Variants in ATF6 observed in about 807,000 individuals in gnomAD.
ATF6 encodes cyclic AMP-dependent transcription factor ATF-6 alpha.
Under a neutral mutation model 83.6 loss-of-function variants are expected in ATF6, and 53 were observed. That is an observed-to-expected ratio of 0.63 (90% confidence interval 0.51 to 0.80). The LOEUF is 0.80. ATF6 is among the 30% of genes least tolerant of loss of function. ATF6 has a pLI of 0.00. For missense variants in ATF6, 744 were observed against 797.9 expected, an observed-to-expected ratio of 0.93 and a Z score of 0.81; for synonymous variants, 288 against 285.8, an observed-to-expected ratio of 1.01 and a Z score of -0.08.
At chr1:161,871,093 C>T (rs568618791) in intron 14 of ATF6, among the ~76,000 whole-genome samples, 1 of 151,762 alleles carries the variant, frequency 6.6e-6, no homozygotes, top group African/African-American at 2.4e-5. Context: ...ACTACTCAGA[C>T]CACTAACTGT....
chr1:161,943,116 A>T (rs115758444), intron 15 of ATF6, among the ~76,000 whole-genome samples: 2,527 of 152,276 alleles, frequency 0.017, 49 homozygotes, highest in African/African-American at 0.045. Flanking sequence ...GGCCTCCCAA[A>T]ATGTGGGAAT....
Position 161,953,317 on chromosome 1 carries a change from C to G in ATF6, c.1805-5129C>G, listed in dbSNP as rs529063735. Reference sequence around the variant, plus strand: ...GTGTGTCACAGAACGGCCAGCATCCCTGACCCCTGCTCACTAAATTTTAGT... The same window carrying G: ...GTGTGTCACAGAACGGCCAGCATCCGTGACCCCTGCTCACTAAATTTTAGT... On this transcript the variant is annotated intron_variant, in intron 15 of 15. Transcript: ENST00000367942. Among the ~76,000 whole-genome samples the G allele has an allele frequency of 2.6e-5, 4 of 152,262 alleles. No individual in the cohort carries two copies. In the South Asian group the frequency reaches 8.3e-4, roughly 32 times the overall value.
At chr1:161,784,760 T>C (rs867070764) in intron 4 of ATF6, among the ~76,000 whole-genome samples, 1 of 152,220 alleles carries the variant, frequency 6.6e-6, no homozygotes, top group Non-Finnish European at 1.5e-5. Flanking sequence ...AGTTACTAAA[T>C]CCTGGTGGTT....
At chr1:161,889,653 T>A (rs761330505) in intron 14 of ATF6, among the ~76,000 whole-genome samples, 1 of 152,242 alleles carries the variant, frequency 6.6e-6, no homozygotes, top group Non-Finnish European at 1.5e-5. Context: ...CCTCTGTCCT[T>A]GAGTTTACAG....
In ATF6 at chr1:161,910,126, T is replaced by G. The variant is rs184915469; in HGVS notation, c.1720-2170T>G. 9.9e-3 allele frequency among the ~76,000 whole-genome samples: 1,513 copies of G among 152,318 alleles called. 8 individuals carry two copies. Among genetic ancestry groups the G allele is most frequent in the South Asian group, 0.017 (83 of 4,832 alleles). ...GTTGTGAGGTTCAAGAAACATTTAT[T>G]TTGAGGAAGTGGAGGTAAATATTCA... is the stretch of plus-strand genomic sequence containing the variant. On this transcript the variant is annotated intron_variant, in intron 14 of 15. Transcript: ENST00000367942.
At chr1:161,956,637 G>T (rs905653462) in intron 15 of ATF6, among the ~76,000 whole-genome samples, 2 of 152,188 alleles carry the variant, frequency 1.3e-5, no homozygotes, top group African/African-American at 4.8e-5. Flanking sequence ...GCAGCAACCA[G>T]CTGTTCTTCC....
chr1:161,789,957 A>T (rs1684839633), intron 4 of ATF6, among the ~76,000 whole-genome samples: 1 of 152,224 alleles, frequency 6.6e-6, no homozygotes, highest in African/African-American at 2.4e-5. Flanking sequence ...CACTCTCACC[A>T]GTGAGACTGA....
At chr1:161,782,369 A>G (rs1305867316) in intron 3 of ATF6, among the ~76,000 whole-genome samples, 3 of 152,220 alleles carry the variant, frequency 2.0e-5, no homozygotes, top group East Asian at 3.8e-4. Context: ...AGTCCCATGC[A>G]TTTAATACAT....
chr1:161,826,993 G>A (rs1422333504), intron 9 of ATF6, among the ~76,000 whole-genome samples: 1 of 145,312 alleles, frequency 6.9e-6, no homozygotes, highest in Non-Finnish European at 1.5e-5. Flanking sequence ...GTGCAGTGGT[G>A]CGATCTTGGC....
At chr1:161,910,957 A>C (rs1005433846) in intron 14 of ATF6, among the ~76,000 whole-genome samples, 2 of 152,232 alleles carry the variant, frequency 1.3e-5, no homozygotes. Flanking sequence ...AAATACAAGC[A>C]GTTACTGGAA....
rs1194029759 is a variant in ATF6, at chr1:161,961,456, AC to A, written c.*2803del. 1 of 152,240 alleles carries A rather than the reference AC, an allele frequency of 6.6e-6. No homozygotes were observed. Among genetic ancestry groups the A allele is most frequent in the African/African-American group, 2.4e-5 (1 of 41,462 alleles). The allele number at this position is 152,240 out of a possible 1,614,324, so 9.4% of individuals were successfully genotyped here. Reference sequence around the variant, plus strand: ...AATTGACAAATGCAAAGAAGTAGTCACTTTTTAAATTGCTGGCAAAGCTATA... The same window carrying A: ...AATTGACAAATGCAAAGAAGTAGTCATTTTTAAATTGCTGGCAAAGCTATA... On this transcript the variant is annotated 3_prime_UTR_variant, in exon 16 of 16. Coordinates refer to ENST00000367942, the MANE Select transcript of ATF6 (RefSeq NM_007348.4).
intron 12 of ATF6, among the ~76,000 whole-genome samples, chr1:161,855,550 AT>A (rs1686737788): frequency 6.6e-6 from 1 of 152,166 alleles, no homozygotes; most frequent in African/African-American, 2.4e-5. Flanking sequence ...TGGAAGTTTA[AT>A]TTGTGGTGCT....
intron 2 of ATF6, among the ~76,000 whole-genome samples, chr1:161,781,548 T>C (rs1684635587): frequency 6.6e-6 from 1 of 152,242 alleles, no homozygotes; most frequent in Non-Finnish European, 1.5e-5. Context: ...GCATTTACTT[T>C]GTCTTGTTTT....
chr1:161,867,905 C>G (rs541168319), intron 14 of ATF6, among the ~76,000 whole-genome samples: 1 of 152,306 alleles, frequency 6.6e-6, no homozygotes, highest in African/African-American at 2.4e-5. Context: ...TTTGGGTATG[C>G]ACCCCTTACT....
At chr1:161,855,878 C>T (rs1453628074) in intron 12 of ATF6, among the ~76,000 whole-genome samples, 4 of 152,278 alleles carry the variant, frequency 2.6e-5, no homozygotes, top group African/African-American at 7.2e-5. Context: ...AAAGTTCTTT[C>T]ATTGGAGTGG....
In ATF6 at chr1:161,791,449, T is replaced by C; in HGVS notation, c.396T>C (p.Leu132=). Residue 132 remains leucine (L), a synonymous_variant, in exon 5 of 16, where the codon CTT becomes CTC. Transcript: ENST00000367942. ...DLSSSSQMSP[L]SLYGENSNSL... ...CTTCTAGTTCTCAGATGTCTCCCCT[T>C]TCCTTATATGGTGAAAACTCTAATA... The C allele has an allele frequency of 6.2e-7, 1 of 1,612,332 alleles. No homozygotes were observed. The highest frequency in any genetic ancestry group is 8.5e-7 in the Non-Finnish European group (1 of 1,179,524).
At chr1:161,849,879 T>G (rs1686574908) in intron 10 of ATF6, among the ~76,000 whole-genome samples, 1 of 151,306 alleles carries the variant, frequency 6.6e-6, no homozygotes, top group African/African-American at 2.4e-5. Context: ...CCTCTCCCTG[T>G]TTTACTTCCA....
In ATF6 at chr1:161,844,666, G is replaced by A. The variant is rs542773362; in HGVS notation, c.1188-1783G>A. Reference sequence around the variant, plus strand: ...GTTCTTAACTTTGATTTTATTCATAGCTTACTTTCATAATTAGAATTTTTG... The same window carrying A: ...GTTCTTAACTTTGATTTTATTCATAACTTACTTTCATAATTAGAATTTTTG... On this transcript the variant is annotated intron_variant, in intron 9 of 15. Transcript: ENST00000367942. Among the ~76,000 whole-genome samples, 15 of 152,182 alleles carry A rather than the reference G, an allele frequency of 9.9e-5. No individual in the cohort carries two copies. In the East Asian group the frequency reaches 2.9e-3, roughly 29 times the overall value.
At chr1:161,855,745 T>G (rs900709997) in intron 12 of ATF6, among the ~76,000 whole-genome samples, 1 of 152,104 alleles carries the variant, frequency 6.6e-6, no homozygotes, top group African/African-American at 2.4e-5. Flanking sequence ...CAAAGAAAGT[T>G]TTTAAAGAAG....
Sources: gnomAD v4.1 joint callset for allele counts (sites outside exome capture counted in the v4.1 genomes callset) on GRCh38, gnomAD v4.1.1 for gene constraint, MANE v1.5 for transcripts, NCBI Gene and HGNC (gene_info 2026-07-23, HGNC 2026-07-21) for gene names.